TLN2: variants seen among roughly 807,000 people sequenced by gnomAD.
The protein encoded by TLN2 is talin 2.
In TLN2, 118 loss-of-function variants were observed where a neutral mutation model predicts 294.7. The ratio of observed to expected loss-of-function variants is 0.40; its 90% CI spans 0.34 to 0.47. The LOEUF (loss-of-function observed/expected upper bound fraction) is 0.47, where lower values mean the gene tolerates loss of function less well. TLN2 is among the 20% of genes least tolerant of loss of function. The pLI is 0.84. For missense variants in TLN2, 3,083 were observed against 3,282.2 expected (o/e 0.94, Z 1.48); for synonymous variants, 1,431 against 1,304.5 (o/e 1.10, Z -2.09).
chr15:62,763,559 C>T lies in TLN2; in HGVS notation c.4962-4C>T. 6.2e-7 allele frequency: 1 copy of T among 1,603,568 alleles called. No homozygotes were observed. The highest frequency in any genetic ancestry group is 8.5e-7 in the Non-Finnish European group (1 of 1,172,374). ...CTGTGTCCAACTTGCACTATTCCTT[C>T]CAGGGACAAGGCCCCTGGACAGAGG... On this transcript the variant is annotated splice_polypyrimidine_tract_variant and splice_region_variant and intron_variant, in intron 39 of 58. Coordinates refer to ENST00000636159, the MANE Select transcript of TLN2 (RefSeq NM_015059.3).
intron 3 of TLN2, among the ~76,000 whole-genome samples, chr15:62,629,139 G>A (rs1022813637): frequency 1.3e-5 from 2 of 152,216 alleles, no homozygotes; most frequent in Non-Finnish European, 2.9e-5. Context: ...GCTGCAGTGA[G>A]CCATGATCAC....
At chr15:62,706,035 C>T (rs77113904) in intron 19 of TLN2, among the ~76,000 whole-genome samples, 3,490 of 152,324 alleles carry the variant, frequency 0.023, 70 homozygotes, top group East Asian at 0.089. Context: ...AATGTATCTT[C>T]TCATAAAATA....
At chr15:62,463,084 G>A (rs2140344514) in intron 1 of TLN2, among the ~76,000 whole-genome samples, 1 of 152,226 alleles carries the variant, frequency 6.6e-6, no homozygotes, top group African/African-American at 2.4e-5. Flanking sequence ...GCCTCTGGCA[G>A]CCCTTTTCTG....
intron 1 of TLN2, among the ~76,000 whole-genome samples, chr15:62,402,296 A>G (rs191624331): frequency 2.3e-4 from 35 of 152,350 alleles, no homozygotes; most frequent in Admixed American, 1.0e-3. Flanking sequence ...CCTAATCATT[A>G]CTGATAACCG....
At chr15:62,476,420 G>T (rs1158411309) in intron 1 of TLN2, 2 of 152,228 alleles carry the variant, frequency 1.3e-5, no homozygotes, top group Non-Finnish European at 2.9e-5. Context: ...AAGACCATGA[G>T]TAATCTTCAT....
chr15:62,486,492 A>G (rs538152734), intron 1 of TLN2, among the ~76,000 whole-genome samples: 1 of 132,664 alleles, frequency 7.5e-6, no homozygotes, highest in African/African-American at 2.9e-5. Flanking sequence ...CACAACATTG[A>G]CATTTTAAAA....
chr15:62,694,505 A>G, intron 14 of TLN2, 113 bp downstream of exon 14: 1 of 808,112 alleles, frequency 1.2e-6, no homozygotes. Context: ...AGATGACAGC[A>G]GATGATATAG....
Position 62,653,168 on chromosome 15 carries a change from C to A in TLN2, c.371C>A (p.Thr124Lys). 1.3e-6 allele frequency: 2 copies of A among 1,562,006 alleles called. No individual in the cohort carries two copies. The highest frequency in any genetic ancestry group is 1.7e-6 in the Non-Finnish European group (2 of 1,155,212). The change falls in exon 7 of 59, where the codon ACA becomes AAA. Residue 124 changes from threonine (T) to lysine (K), a missense_variant. Coordinates refer to ENST00000636159, the MANE Select transcript of TLN2 (RefSeq NM_015059.3). Reference sequence around the variant, plus strand: ...CCTAATTTCCAATGTTTAGGAATAACAAATTATGAAGAATACTCCTTAATC... The same window carrying A: ...CCTAATTTCCAATGTTTAGGAATAAAAAATTATGAAGAATACTCCTTAATC... ...LVTICSRIGI[T>K]NYEEYSLIQE...
At chr15:62,715,185 C>T (rs982637679) in intron 22 of TLN2, among the ~76,000 whole-genome samples, 10 of 152,372 alleles carry the variant, frequency 6.6e-5, no homozygotes, top group African/African-American at 2.4e-4. Context: ...CTATTCCATC[C>T]TGTATGCATT....
chr15:62,694,289 T>G, intron 13 of TLN2, 27 bp from the exon 14 acceptor site: 1 of 1,613,276 alleles, frequency 6.2e-7, no homozygotes, highest in Non-Finnish European at 8.5e-7. Context: ...GTTTTCATTT[T>G]TGCATCTTGT....
chr15:62,502,577 AATC>A (rs1195862459), intron 1 of TLN2, among the ~76,000 whole-genome samples: 1 of 152,138 alleles, frequency 6.6e-6, no homozygotes, highest in Non-Finnish European at 1.5e-5. Flanking sequence ...TTCAGACAGA[AATC>A]ATCTGTACTC....
intron 3 of TLN2, among the ~76,000 whole-genome samples, chr15:62,644,070 T>A (rs1387630842): frequency 6.6e-6 from 1 of 152,034 alleles, no homozygotes; most frequent in Non-Finnish European, 1.5e-5. Flanking sequence ...GCATACTTGC[T>A]CAGGAGACAA....
chr15:62,667,571 C>T (rs888142066), intron 9 of TLN2, among the ~76,000 whole-genome samples: 26 of 152,170 alleles, frequency 1.7e-4, no homozygotes, highest in African/African-American at 4.8e-4. Context: ...GTTTTCAATT[C>T]GTATGAGCGA....
intron 37 of TLN2, among the ~76,000 whole-genome samples, chr15:62,760,641 A>G (rs886905985): frequency 6.6e-6 from 1 of 152,132 alleles, no homozygotes; most frequent in African/African-American, 2.4e-5. Flanking sequence ...CTGAGGAGGT[A>G]GAGTCCAGGG....
intron 1 of TLN2, among the ~76,000 whole-genome samples, chr15:62,432,748 C>T (rs112337594): frequency 1.6e-3 from 236 of 152,222 alleles, no homozygotes; most frequent in African/African-American, 5.3e-3. Context: ...TTTGCTCCTT[C>T]GAGTACATGT....
chr15:62,710,824 C>T (rs563229467), intron 21 of TLN2, among the ~76,000 whole-genome samples: 1 of 136,526 alleles, frequency 7.3e-6, no homozygotes, highest in South Asian at 2.4e-4. Context: ...CTCCCAGGTT[C>T]ATGCCATTCT....
chr15:62,516,081 A>G (rs1205398361), intron 1 of TLN2, among the ~76,000 whole-genome samples: 3 of 152,240 alleles, frequency 2.0e-5, no homozygotes, highest in African/African-American at 7.2e-5. Context: ...GGATCATCCA[A>G]TGCAACCATC....
At chr15:62,399,767 C>G (rs1194008191) in intron 1 of TLN2, among the ~76,000 whole-genome samples, 1 of 152,170 alleles carries the variant, frequency 6.6e-6, no homozygotes, top group South Asian at 2.1e-4. Flanking sequence ...TTAGGCAATT[C>G]CTGTACCACC....
intron 45 of TLN2, 107 bp downstream of exon 45, chr15:62,783,997 A>G: frequency 1.3e-6 from 2 of 1,555,236 alleles, no homozygotes; most frequent in Non-Finnish European, 8.7e-7. Context: ...CAGCCCAGTA[A>G]CCAGAGCCCA....
Sources: allele counts gnomAD v4.1 joint callset (sites outside exome capture counted in the v4.1 genomes callset), GRCh38; gene constraint gnomAD v4.1.1; transcripts MANE v1.5; gene names NCBI Gene and HGNC (gene_info 2026-07-23, HGNC 2026-07-21).